The following MLLT3 variants were observed in gnomAD, a reference collection of about 807,000 sequenced individuals.
MLLT3 encodes MLLT3 super elongation complex subunit, also known as protein AF-9.
Under a neutral mutation model 53.2 loss-of-function variants are expected in MLLT3, and 4 were observed. That is an observed-to-expected ratio of 0.08 (90% CI 0.04 to 0.17). MLLT3 has a LOEUF of 0.17. MLLT3 is among the 10% of genes least tolerant of loss of function. The pLI, the probability that MLLT3 is intolerant of heterozygous loss-of-function variation, is 1.00. For missense variants in MLLT3, 569 were observed against 684.0 expected (o/e 0.83, Z 1.87); for synonymous variants, 283 against 230.6 (o/e 1.23, Z -2.06).
At chr9:20,375,607 T>TC (rs1563942035) in intron 5 of MLLT3, among the ~76,000 whole-genome samples, 1 of 110,540 alleles carries the variant, frequency 9.0e-6, no homozygotes, top group Non-Finnish European at 1.5e-5. Flanking sequence ...TTTTTTTTCT[T>TC]TTCTTTTTTT....
At chr9:20,606,549 T>C (rs1225779549) in intron 2 of MLLT3, among the ~76,000 whole-genome samples, 5 of 152,130 alleles carry the variant, frequency 3.3e-5, no homozygotes, top group South Asian at 2.1e-4. Flanking sequence ...TGTGCTCTGT[T>C]ATAAACAATT....
chr9:20,426,114 C>A (rs1823133824), intron 4 of MLLT3, among the ~76,000 whole-genome samples: 1 of 152,014 alleles, frequency 6.6e-6, no homozygotes, highest in African/African-American at 2.4e-5. Context: ...TTTATATATA[C>A]TCCCTGACTT....
At chr9:20,484,100 T>C (rs756361523) in intron 2 of MLLT3, among the ~76,000 whole-genome samples, 1 of 151,942 alleles carries the variant, frequency 6.6e-6, no homozygotes, top group East Asian at 1.9e-4. Context: ...TAAAATACAA[T>C]AGTGATATAA....
At chr9:20,458,652 C>G (rs561500418) in intron 2 of MLLT3, among the ~76,000 whole-genome samples, 2 of 152,306 alleles carry the variant, frequency 1.3e-5, no homozygotes, top group African/African-American at 4.8e-5. Flanking sequence ...AGATAGCAGT[C>G]TGCAACTCTG....
At chr9:20,347,981 C>T (rs1038722496) in intron 10 of MLLT3, among the ~76,000 whole-genome samples, 9 of 152,180 alleles carry the variant, frequency 5.9e-5, no homozygotes, top group Non-Finnish European at 1.0e-4. Context: ...CCCTATAGGT[C>T]AGTGGCTCTT....
intron 2 of MLLT3, among the ~76,000 whole-genome samples, chr9:20,460,708 T>G (rs1230906484): frequency 6.6e-6 from 1 of 152,212 alleles, no homozygotes; most frequent in Non-Finnish European, 1.5e-5. Flanking sequence ...AATTTAACTT[T>G]TAAAAGACTC....
At chr9:20,373,917 C>T (rs1821684966) in intron 5 of MLLT3, among the ~76,000 whole-genome samples, 1 of 150,326 alleles carries the variant, frequency 6.7e-6, no homozygotes, top group Non-Finnish European at 1.5e-5. Context: ...TTAGGTTCTT[C>T]TCACAGTTTT....
chr9:20,482,243 C>T (rs1486430858), intron 2 of MLLT3, among the ~76,000 whole-genome samples: 2 of 152,216 alleles, frequency 1.3e-5, no homozygotes, highest in African/African-American at 4.8e-5. Flanking sequence ...TTCTAAAAGT[C>T]CACAGACCAG....
intron 4 of MLLT3, among the ~76,000 whole-genome samples, chr9:20,427,689 A>C (rs1027961701): frequency 1.2e-4 from 18 of 152,162 alleles, no homozygotes; most frequent in African/African-American, 4.1e-4. Flanking sequence ...CTATAAAGAC[A>C]GTAAGAAACA....
At chr9:20,574,707 G>A (rs1400736209) in intron 2 of MLLT3, among the ~76,000 whole-genome samples, 1 of 152,110 alleles carries the variant, frequency 6.6e-6, no homozygotes, top group Non-Finnish European at 1.5e-5. Flanking sequence ...GACTAATCAG[G>A]GTGGTGGGTG....
In MLLT3 at chr9:20,621,835, G is replaced by A. The variant is rs1821021265; in HGVS notation, c.12+410C>T. ...GCCGAGGCTGCTCGCCGCGTCCCCGGACTGTGCCCGCAGCTCCCGGCGGCG... is the reference window on the plus strand; with the variant it reads ...GCCGAGGCTGCTCGCCGCGTCCCCGAACTGTGCCCGCAGCTCCCGGCGGCG... On this transcript the variant is annotated intron_variant, in intron 1 of 10. Transcript: ENST00000380338. The surrounding 1 kb of genome is among the most constrained non-coding windows in gnomAD (Gnocchi z 7.0). The A allele has an allele frequency of 1.4e-6, 2 of 1,404,672 alleles. No individual in the cohort carries two copies. The highest frequency in any genetic ancestry group is 1.5e-5 in the African/African-American group (1 of 65,556). 87.0% of individuals were successfully genotyped at this position (1,404,672 alleles called of 1,614,324 possible). A position where few individuals can be genotyped will look rare whatever the true frequency, so the allele number is the denominator to read the frequency against.
chr9:20,615,953 T>C (rs1820823979), intron 2 of MLLT3, among the ~76,000 whole-genome samples: 2 of 151,962 alleles, frequency 1.3e-5, no homozygotes, highest in Admixed American at 6.6e-5. Context: ...CATTTTTCAT[T>C]AAAATGTTAC....
At chr9:20,578,294 T>G (rs1426089592) in intron 2 of MLLT3, among the ~76,000 whole-genome samples, 1 of 152,196 alleles carries the variant, frequency 6.6e-6, no homozygotes, top group South Asian at 2.1e-4. Flanking sequence ...ATTAAAATTT[T>G]GAATCACTCT....
intron 2 of MLLT3, among the ~76,000 whole-genome samples, chr9:20,619,713 G>A (rs1820940407): frequency 6.6e-6 from 1 of 152,206 alleles, no homozygotes; most frequent in South Asian, 2.1e-4. Context: ...GAAGGGAAAA[G>A]AAATCGGTAT....
intron 2 of MLLT3, among the ~76,000 whole-genome samples, chr9:20,583,725 G>A (rs937443022): frequency 6.6e-6 from 1 of 152,150 alleles, no homozygotes; most frequent in African/African-American, 2.4e-5. Context: ...GGCTGGAGCA[G>A]CTGGGACACA....
chr9:20,542,101 G>A (rs1587048013), intron 2 of MLLT3, among the ~76,000 whole-genome samples: 1 of 152,172 alleles, frequency 6.6e-6, no homozygotes, highest in Non-Finnish European at 1.5e-5. Context: ...AATAGTAAGT[G>A]AAAGTCAAAA....
intron 4 of MLLT3, among the ~76,000 whole-genome samples, chr9:20,422,635 A>G (rs1217298862): frequency 2.0e-5 from 3 of 152,216 alleles, no homozygotes; most frequent in African/African-American, 7.2e-5. Context: ...GAATAATGAA[A>G]GATTCCCCTC....
chr9:20,358,494 C>G (rs1490989972), intron 8 of MLLT3, among the ~76,000 whole-genome samples: 2 of 152,192 alleles, frequency 1.3e-5, no homozygotes, highest in Non-Finnish European at 1.5e-5. Context: ...AACTTTTACC[C>G]TCTCCAGATA....
At chr9:20,616,054 T>C (rs1052007167) in intron 2 of MLLT3, among the ~76,000 whole-genome samples, 3 of 152,274 alleles carry the variant, frequency 2.0e-5, no homozygotes, top group African/African-American at 7.2e-5. Flanking sequence ...CTAAAATTAA[T>C]AGATATAACT....
Sources: gnomAD v4.1 joint callset for allele counts (sites outside exome capture counted in the v4.1 genomes callset) on GRCh38, gnomAD v4.1.1 for gene constraint, Gnocchi (gnomAD v3.1) non-coding constraint, MANE v1.5 for transcripts, NCBI Gene and HGNC (gene_info 2026-07-23, HGNC 2026-07-21) for gene names.